TNRC6C: variants seen among roughly 807,000 people sequenced by gnomAD.
The protein encoded by TNRC6C is trinucleotide repeat-containing gene 6C protein.
A neutral mutation model predicts 153.7 loss-of-function variants in TNRC6C; 20 were observed. The ratio of observed to expected loss-of-function variants is 0.13; its 90% CI spans 0.09 to 0.19. TNRC6C has a LOEUF of 0.19. Ranked by LOEUF, TNRC6C falls within the 10% of genes least tolerant of loss-of-function variation. TNRC6C has a pLI of 1.00. For missense variants in TNRC6C, 1,987 were observed against 2,172.0 expected, an observed-to-expected ratio of 0.91 and a Z score of 1.69; for synonymous variants, 811 against 841.4, an observed-to-expected ratio of 0.96 and a Z score of 0.63.
chr17:78,040,335 AAATAAT>A (rs981949245), intron 2 of TNRC6C, among the ~76,000 whole-genome samples: 11 of 152,304 alleles, frequency 7.2e-5, no homozygotes, highest in East Asian at 3.9e-4. Context: ...TATCTTTAAA[AAATAAT>A]AATAATAATA....
At position 78,102,592 on chromosome 17, in the gene TNRC6C, C is replaced by A. The variant is rs966358319; in HGVS notation, c.4572+48C>A. 3.9e-6 allele frequency: 6 copies of A among 1,545,380 alleles called. No homozygotes were observed. In the African/African-American group the frequency reaches 8.2e-5, roughly 21 times the overall value. On this transcript the variant is annotated intron_variant, in intron 18 of 19. Transcript: ENST00000301624. Reference sequence around the variant, plus strand: ...CACTGAGCATGATCCAGGGAGGGTTCCCGCTTGGCCCCCAATGCAGATGAG... The same window carrying A: ...CACTGAGCATGATCCAGGGAGGGTTACCGCTTGGCCCCCAATGCAGATGAG...
intron 2 of TNRC6C, among the ~76,000 whole-genome samples, chr17:78,040,797 A>G (rs1242831545): frequency 6.6e-6 from 1 of 152,204 alleles, no homozygotes; most frequent in Non-Finnish European, 1.5e-5. Flanking sequence ...GTCAGCTGCA[A>G]TTAGATAATC....
intron 1 of TNRC6C, among the ~76,000 whole-genome samples, chr17:77,982,280 A>G (rs2071089457): frequency 6.6e-6 from 1 of 152,180 alleles, no homozygotes; most frequent in Non-Finnish European, 1.5e-5. Flanking sequence ...GTGCTAAGGC[A>G]TCTATTATAT....
chr17:78,104,875 G>C lies in TNRC6C; in HGVS notation c.*30G>C. On this transcript the variant is annotated 3_prime_UTR_variant, in exon 20 of 20. Transcript: ENST00000301624. The surrounding 1 kb of genome is among the most constrained non-coding windows in gnomAD (Gnocchi z 6.2). The stretch of plus-strand genomic sequence containing the variant: ...TGCCATCATCAGCACCAGGAGAGCC[G>C]ACCCCTCCCGGGACCCCTCCCGGCT... 2 of 1,389,458 alleles carry C rather than the reference G, an allele frequency of 1.4e-6. No homozygotes were observed. Among genetic ancestry groups the C allele is most frequent in the South Asian group, 1.6e-5 (1 of 61,276 alleles). 86.1% of individuals were successfully genotyped at this position (1,389,458 alleles called of 1,614,324 possible). A position where few individuals can be genotyped will look rare whatever the true frequency, so the allele number is the denominator to read the frequency against.
At chr17:78,042,811 GT>G (rs969066123) in intron 2 of TNRC6C, among the ~76,000 whole-genome samples, 2 of 151,948 alleles carry the variant, frequency 1.3e-5, no homozygotes, top group African/African-American at 4.8e-5. Flanking sequence ...TGATGACGGT[GT>G]TGGTGATGGT....
At chr17:77,963,099 C>T (rs1234179225) in intron 1 of TNRC6C, among the ~76,000 whole-genome samples, 1 of 152,166 alleles carries the variant, frequency 6.6e-6, no homozygotes, top group Non-Finnish European at 1.5e-5. Flanking sequence ...AAATGATATA[C>T]AATAAGCTTT....
At chr17:78,071,096 G>T (rs373391561) in exon 6 of TNRC6C, 1 of 1,604,564 alleles carries the variant, frequency 6.2e-7, no homozygotes. Flanking sequence ...GCATGAAGAC[G>T]TCTGGCAAGC....
intron 1 of TNRC6C, among the ~76,000 whole-genome samples, chr17:77,962,609 T>G (rs2070870188): frequency 6.6e-6 from 1 of 152,124 alleles, no homozygotes; most frequent in Non-Finnish European, 1.5e-5. Context: ...GGAGGCGGAG[T>G]CCTGAACAGA....
chr17:78,065,733 T>A (rs2144213139), intron 4 of TNRC6C, among the ~76,000 whole-genome samples: 1 of 152,318 alleles, frequency 6.6e-6, no homozygotes, highest in African/African-American at 2.4e-5. Context: ...GTTTTAAAGT[T>A]GTTTATGCCT....
At chr17:78,004,492 T>C (rs8074332), upstream of TNRC6C, among the ~76,000 whole-genome samples, 66,895 of 152,060 alleles carry the variant, frequency 0.44, 16,209 homozygotes, top group African/African-American at 0.65. Flanking sequence ...TTAAGGAAGC[T>C]GTGTTTTAGT....
chr17:77,976,554 G>A (rs144715225), intron 1 of TNRC6C, among the ~76,000 whole-genome samples: 246 of 152,256 alleles, frequency 1.6e-3, no homozygotes, highest in African/African-American at 5.6e-3. Context: ...ATTCTTCATC[G>A]CTGAAGTCAG....
chr17:78,018,809 C>T (rs2071779052), intron 1 of TNRC6C, among the ~76,000 whole-genome samples: 1 of 152,142 alleles, frequency 6.6e-6, no homozygotes, highest in African/African-American at 2.4e-5. Context: ...TGAGTACTGT[C>T]TCTATAAACT....
rs957522035 is a variant in TNRC6C, at chr17:77,959,768, C to T, written c.-38+500C>T. On this transcript the variant is annotated intron_variant, in intron 1 of 22. Transcript: ENST00000636222. ...TCAGGTGGATTTTCTAACGGTGCTGCGGACTGCGGAGTAATGCGTATGAGG... is the reference window on the plus strand; with the variant it reads ...TCAGGTGGATTTTCTAACGGTGCTGTGGACTGCGGAGTAATGCGTATGAGG... Among the ~76,000 whole-genome samples, 15 of 152,100 alleles carry T rather than the reference C, an allele frequency of 9.9e-5. No individual in the cohort carries two copies. In the East Asian group the frequency reaches 2.5e-3, roughly 25 times the overall value.
At chr17:78,030,117 A>G (rs1221541680) in intron 1 of TNRC6C, among the ~76,000 whole-genome samples, 3 of 151,820 alleles carry the variant, frequency 2.0e-5, no homozygotes, top group African/African-American at 4.9e-5. Flanking sequence ...ACTACTGTAC[A>G]TAATTACTAC....
upstream of TNRC6C, among the ~76,000 whole-genome samples, chr17:77,958,649 G>A (rs1311686072): frequency 6.6e-6 from 1 of 152,020 alleles, no homozygotes; most frequent in East Asian, 1.9e-4. Context: ...GCGGGGCGGG[G>A]AAGGGGGCGC....
At chr17:78,081,788 A>G (rs1398701537) in intron 10 of TNRC6C, among the ~76,000 whole-genome samples, 1 of 152,152 alleles carries the variant, frequency 6.6e-6, no homozygotes, top group Non-Finnish European at 1.5e-5. Flanking sequence ...TTCCCCACAC[A>G]AAGCAAACCA....
intron 1 of TNRC6C, among the ~76,000 whole-genome samples, chr17:78,030,040 CTAAAA>C (rs2072032527): frequency 6.6e-6 from 1 of 151,978 alleles, no homozygotes; most frequent in Non-Finnish European, 1.5e-5. Context: ...GCAATACACT[CTAAAA>C]TAATGATAAA....
chr17:78,041,835 A>G (rs1318179574), intron 2 of TNRC6C, among the ~76,000 whole-genome samples: 1 of 152,256 alleles, frequency 6.6e-6, no homozygotes, highest in Non-Finnish European at 1.5e-5. Context: ...ACTAGTTTTT[A>G]TAATACATAT....
exon 20 of TNRC6C, chr17:78,106,556 GAAAA>G (rs958743218): frequency 1.5e-5 from 2 of 136,488 alleles, no homozygotes; most frequent in African/African-American, 5.4e-5. Context: ...ACAAAAAAAT[GAAAA>G]AAAAGAAAAA....
Sources: allele counts gnomAD v4.1 joint callset (sites outside exome capture counted in the v4.1 genomes callset), GRCh38; gene constraint gnomAD v4.1.1; non-coding constraint Gnocchi (gnomAD v3.1); transcripts MANE v1.5; gene names NCBI Gene and HGNC (gene_info 2026-07-23, HGNC 2026-07-21).